ATP13A4: variants seen among roughly 807,000 people sequenced by gnomAD.
The protein encoded by ATP13A4 is probable cation-transporting ATPase 13A4.
Under a neutral mutation model 142.5 loss-of-function variants are expected in ATP13A4, and 114 were observed. The ratio of observed to expected loss-of-function variants is 0.80; its 90% CI spans 0.69 to 0.93. The LOEUF is 0.93. ATP13A4 is among the 40% of genes least tolerant of loss of function. The probability of loss-of-function intolerance (pLI) is 0.00; values close to 1 mark genes in which losing one functional copy is unlikely to be tolerated. For synonymous variants in ATP13A4, 488 were observed against 514.8 expected, an observed-to-expected ratio of 0.95 and a Z score of 0.70; for missense variants, 1,392 against 1,454.0, an observed-to-expected ratio of 0.96 and a Z score of 0.69.
intron 1 of ATP13A4, among the ~76,000 whole-genome samples, chr3:193,540,987 C>T (rs986872644): frequency 6.6e-6 from 1 of 152,150 alleles, no homozygotes; most frequent in Non-Finnish European, 1.5e-5. Flanking sequence ...CGGTGGCTCA[C>T]GCCTGTAATC....
At chr3:193,565,240 C>A in intron 2 of ATP13A4, among the ~76,000 whole-genome samples, 1 of 152,148 alleles carries the variant, frequency 6.6e-6, no homozygotes, top group African/African-American at 2.4e-5. Context: ...TGATCTAGAA[C>A]AAATTATTTA....
At chr3:193,553,689 T>C (rs1464586546) in intron 1 of ATP13A4, 2 of 152,192 alleles carry the variant, frequency 1.3e-5, no homozygotes, top group Non-Finnish European at 2.9e-5. Context: ...ACATTTTACT[T>C]CTTTATAATT....
intron 16 of ATP13A4, 145 bp downstream of exon 16, chr3:193,456,855 G>C (rs1394425712): frequency 2.0e-6 from 2 of 1,012,632 alleles, no homozygotes; most frequent in Non-Finnish European, 1.5e-6. Context: ...AGACACGCTT[G>C]GTTTTCGTAT....
At chr3:193,440,801 T>C (rs192318273) in intron 20 of ATP13A4, among the ~76,000 whole-genome samples, 164 bp from the exon 21 acceptor site, 2 of 152,318 alleles carry the variant, frequency 1.3e-5, no homozygotes, top group African/African-American at 2.4e-5. Flanking sequence ...ATTGAGGTTT[T>C]GGTCATCAGA....
At chr3:193,419,848 C>T (rs554180020) in intron 25 of ATP13A4, among the ~76,000 whole-genome samples, 1 of 150,238 alleles carries the variant, frequency 6.7e-6, no homozygotes, top group Non-Finnish European at 1.5e-5. Context: ...GTCCCCCACC[C>T]ACTGCCCCTC....
intron 1 of ATP13A4, among the ~76,000 whole-genome samples, chr3:193,527,441 G>A (rs541216203): frequency 1.2e-4 from 18 of 152,072 alleles, no homozygotes; most frequent in Admixed American, 3.3e-4. Context: ...GTGAAACCCC[G>A]TCTCTACTAA....
intron 1 of ATP13A4, among the ~76,000 whole-genome samples, chr3:193,589,655 C>T (rs1724727749): frequency 6.6e-6 from 1 of 152,118 alleles, no homozygotes; most frequent in Non-Finnish European, 1.5e-5. Flanking sequence ...AAAATTATTT[C>T]ATGACTTCTG....
chr3:193,483,181 T>C (rs1014493073), intron 8 of ATP13A4, among the ~76,000 whole-genome samples: 2 of 152,006 alleles, frequency 1.3e-5, no homozygotes, highest in South Asian at 4.1e-4. Context: ...TACTGTAAAA[T>C]ACCATTTATG....
intron 2 of ATP13A4, among the ~76,000 whole-genome samples, chr3:193,563,227 T>C (rs1560284036): frequency 6.6e-6 from 1 of 152,136 alleles, no homozygotes; most frequent in South Asian, 2.1e-4. Flanking sequence ...GGAAAGATTA[T>C]ACCTGGTTTA....
chr3:193,521,189 G>A (rs996775433), intron 1 of ATP13A4, among the ~76,000 whole-genome samples: 1 of 152,146 alleles, frequency 6.6e-6, no homozygotes, highest in Non-Finnish European at 1.5e-5. Flanking sequence ...CCACCCTCAA[G>A]GAGCTGACAG....
chr3:193,496,839 T>TAAAA (rs1553850689), intron 3 of ATP13A4, among the ~76,000 whole-genome samples: 24 of 138,014 alleles, frequency 1.7e-4, no homozygotes, highest in Non-Finnish European at 2.8e-4. Flanking sequence ...AATAAATAAA[T>TAAAA]AAAACTGAGA....
chr3:193,526,495 C>A (rs1042697493), intron 1 of ATP13A4, among the ~76,000 whole-genome samples: 9 of 152,046 alleles, frequency 5.9e-5, no homozygotes, highest in African/African-American at 2.2e-4. Context: ...GGACAAATAC[C>A]TAATACGTGC....
In ATP13A4 at chr3:193,476,490, G is replaced by A. The variant is rs1299961708; in HGVS notation, c.809-5497C>T. Among the ~76,000 whole-genome samples the A allele has an allele frequency of 3.3e-5, 5 of 152,134 alleles. No individual in the cohort carries two copies. In the East Asian group the frequency reaches 5.8e-4, roughly 18 times the overall value. On this transcript the variant is annotated intron_variant, in intron 8 of 29. Coordinates refer to ENST00000342695, the MANE Select transcript of ATP13A4 (RefSeq NM_032279.4). ...TCCGCATCCACAGTAATGTTGCTTCGCTTTTGATCATTTGTGTGTTCACTT... is the reference window on the plus strand; with the variant it reads ...TCCGCATCCACAGTAATGTTGCTTCACTTTTGATCATTTGTGTGTTCACTT...
intron 2 of ATP13A4, among the ~76,000 whole-genome samples, chr3:193,572,955 C>A (rs1057506725): frequency 7.1e-5 from 10 of 140,044 alleles, no homozygotes; most frequent in Non-Finnish European, 1.1e-4. Context: ...TGGTGAAACA[C>A]CTTCTTTACA....
rs1327361737 is a variant in ATP13A4, at chr3:193,438,556, G to C, written c.2591C>G (p.Ser864Ter). The C allele has an allele frequency of 6.2e-7, 1 of 1,614,020 alleles. No individual in the cohort carries two copies. The change falls in exon 23 of 30, where the codon TCA becomes TGA. Residue 864 changes from serine to a stop codon, truncating the protein, a stop_gained. Transcript: ENST00000342695. LOFTEE classifies it high-confidence loss of function. Reference protein sequence around the residue: ...GALKMAHVGISLSEQEASVAS... With the variant: ...GALKMAHVGI ...CACAGATGCCTCCTGCTCTGATAATGAGATGCCCACATGAGCCATTTTCAG... is the reference window on the plus strand; with the variant it reads ...CACAGATGCCTCCTGCTCTGATAATCAGATGCCCACATGAGCCATTTTCAG...
At chr3:193,432,981 G>A (rs1242555062) in intron 25 of ATP13A4, among the ~76,000 whole-genome samples, 1 of 152,154 alleles carries the variant, frequency 6.6e-6, no homozygotes, top group Non-Finnish European at 1.5e-5. Flanking sequence ...GGATAATAAT[G>A]ATGTTATTAT....
chr3:193,405,536 A>T (rs1260199908), intron 29 of ATP13A4, among the ~76,000 whole-genome samples: 1 of 152,164 alleles, frequency 6.6e-6, no homozygotes, highest in Non-Finnish European at 1.5e-5. Context: ...AAACAGATGT[A>T]AAGTCCGGCT....
chr3:193,475,159 C>T (rs113204444), intron 8 of ATP13A4, among the ~76,000 whole-genome samples: 9 of 151,922 alleles, frequency 5.9e-5, no homozygotes, highest in Admixed American at 2.0e-4. Context: ...GAATCTGTGC[C>T]GAAGATATAC....
chr3:193,424,256 C>A (rs1715542325), intron 25 of ATP13A4, among the ~76,000 whole-genome samples: 1 of 148,924 alleles, frequency 6.7e-6, no homozygotes. Context: ...TCCCTGCTAC[C>A]TAAAACAATC....
Sources: gnomAD v4.1 joint callset for allele counts (sites outside exome capture counted in the v4.1 genomes callset) on GRCh38, gnomAD v4.1.1 for gene constraint, MANE v1.5 for transcripts, NCBI Gene and HGNC (gene_info 2026-07-23, HGNC 2026-07-21) for gene names.